Variants in NRG1 observed in about 807,000 individuals in gnomAD.
NRG1 encodes pro-neuregulin-1, membrane-bound isoform.
In NRG1, 18 loss-of-function variants were observed where a neutral mutation model predicts 63.8. The ratio of observed to expected loss-of-function variants is 0.28; its 90% CI spans 0.19 to 0.42. The LOEUF is 0.42. Ranked by LOEUF, NRG1 falls within the 10% of genes least tolerant of loss-of-function variation. The pLI, the probability that NRG1 is intolerant of heterozygous loss-of-function variation, is 1.00. For missense variants in NRG1, 762 were observed against 814.7 expected (o/e 0.94, Z 0.79); for synonymous variants, 302 against 301.3 (o/e 1.00, Z -0.02).
rs74652158 is a variant in NRG1 at position 32,105,185 on chromosome 8, A to G, written c.37+465754A>G. Among the ~76,000 whole-genome samples the G allele has an allele frequency of 3.1e-3, 468 of 152,310 alleles. 2 individuals are homozygous for G. The highest frequency in any genetic ancestry group is 0.011 in the African/African-American group (442 of 41,578). On this transcript the variant is annotated intron_variant, in intron 1 of 10. Coordinates refer to the NRG1 transcript ENST00000519301. ...TTTTTTAGCTCTGTTATAACCTTAT[A>G]GGTCCACATCATATAGGCAATCCAT...
At chr8:31,952,384 G>A (rs759538304) in intron 1 of NRG1, among the ~76,000 whole-genome samples, 17 of 152,142 alleles carry the variant, frequency 1.1e-4, no homozygotes, top group Non-Finnish European at 2.1e-4. Flanking sequence ...AGACCAAGAA[G>A]GCTTCAGAGA....
chr8:32,306,796 A>G (rs1045056597), intron 1 of NRG1, among the ~76,000 whole-genome samples: 3 of 152,214 alleles, frequency 2.0e-5, no homozygotes, highest in Non-Finnish European at 2.9e-5. Context: ...CCAAATATTA[A>G]TTAATCGATT....
At chr8:32,744,654 C>G (rs1827104042) in intron 7 of NRG1, among the ~76,000 whole-genome samples, 1 of 152,036 alleles carries the variant, frequency 6.6e-6, no homozygotes. Flanking sequence ...CAATTCTGAT[C>G]ACTTAATTAA....
intron 1 of NRG1, among the ~76,000 whole-genome samples, chr8:32,403,867 C>G (rs1181942115): frequency 6.6e-6 from 1 of 152,130 alleles, no homozygotes; most frequent in African/African-American, 2.4e-5. Flanking sequence ...AAAATATGAA[C>G]AGTAAATTCT....
At chr8:31,667,424 C>G (rs1039258102) in intron 1 of NRG1, among the ~76,000 whole-genome samples, 3 of 152,188 alleles carry the variant, frequency 2.0e-5, no homozygotes, top group Non-Finnish European at 4.4e-5. Flanking sequence ...CCATCCCCTG[C>G]TCCTCAGTGG....
At chr8:31,671,806 G>A (rs552890641) in intron 1 of NRG1, among the ~76,000 whole-genome samples, 4 of 152,146 alleles carry the variant, frequency 2.6e-5, no homozygotes, top group South Asian at 2.1e-4. Context: ...ATCAATGTCA[G>A]TAGGAAAAAA....
At chr8:32,337,966 T>TTAA (rs1803540147) in intron 1 of NRG1, among the ~76,000 whole-genome samples, 1 of 151,930 alleles carries the variant, frequency 6.6e-6, no homozygotes, top group Non-Finnish European at 1.5e-5. Context: ...AGTATTATAC[T>TTAA]TTAATTATTT....
At chr8:31,660,811 G>A (rs1281751100) in intron 1 of NRG1, among the ~76,000 whole-genome samples, 1 of 152,084 alleles carries the variant, frequency 6.6e-6, no homozygotes, top group African/African-American at 2.4e-5. Context: ...CTTGAGATAA[G>A]GCTTTCCTAT....
chr8:32,415,541 T>C (rs1815767112), intron 1 of NRG1, among the ~76,000 whole-genome samples: 1 of 152,170 alleles, frequency 6.6e-6, no homozygotes. Flanking sequence ...TCATTATGTT[T>C]ATTATATGAA....
chr8:32,603,311 A>T (rs1844681778), intron 2 of NRG1, among the ~76,000 whole-genome samples: 1 of 152,202 alleles, frequency 6.6e-6, no homozygotes, highest in South Asian at 2.1e-4. Context: ...GGGGAGTCAG[A>T]GTACAACAGC....
rs34140519 is a variant in NRG1, at chr8:32,404,604, T to TA, written c.38-191222dup. Among the ~76,000 whole-genome samples the TA allele has an allele frequency of 1.9e-3, 266 of 142,986 alleles. 1 individual carries two copies. Among genetic ancestry groups the TA allele is most frequent in the African/African-American group, 6.2e-3 (240 of 38,802 alleles). 93.8% of individuals were successfully genotyped at this position (142,986 alleles called of 152,430 possible). A position where few individuals can be genotyped will look rare whatever the true frequency, so the allele number is the denominator to read the frequency against. ...CTTCATCTTTTTTTTTTTTTTTTTT[T>TA]AATGGAGTCTTGCTCTGTGGCCTAG... On this transcript the variant is annotated intron_variant, in intron 1 of 10. Transcript: ENST00000519301.
chr8:32,052,636 G>T lies in NRG1; in HGVS notation c.37+413205G>T, dbSNP rs558605128. The stretch of plus-strand genomic sequence containing the variant: ...AAAGTCCAGAAATCAAATTGTGAGT[G>T]GGCAAACAAAATCAAAGCAAGTTTC... On this transcript the variant is annotated intron_variant, in intron 1 of 10. Transcript: ENST00000519301. Among the ~76,000 whole-genome samples the T allele has an allele frequency of 1.4e-4, 22 of 152,128 alleles. No individual in the cohort carries two copies. In the South Asian group the frequency reaches 4.6e-3, roughly 32 times the overall value.
At chr8:32,772,741 G>A (rs1414423491), downstream of NRG1, among the ~76,000 whole-genome samples, 1 of 152,000 alleles carries the variant, frequency 6.6e-6, no homozygotes, top group Non-Finnish European at 1.5e-5. Context: ...TCCTTGATTT[G>A]TACTTTTGTG....
At chr8:32,602,835 C>A (rs1844610863) in intron 2 of NRG1, among the ~76,000 whole-genome samples, 1 of 152,004 alleles carries the variant, frequency 6.6e-6, no homozygotes, top group African/African-American at 2.4e-5. Context: ...ATGAAGGAAA[C>A]TTGTCATATA....
chr8:31,651,908 G>A (rs1477923191), intron 1 of NRG1, among the ~76,000 whole-genome samples: 1 of 151,884 alleles, frequency 6.6e-6, no homozygotes, highest in Non-Finnish European at 1.5e-5. Context: ...TTTCTTTTTG[G>A]CTCTCTATCT....
intron 1 of NRG1, among the ~76,000 whole-genome samples, chr8:32,373,884 C>A (rs1286641455): frequency 6.6e-6 from 1 of 152,090 alleles, no homozygotes; most frequent in Non-Finnish European, 1.5e-5. Context: ...GAATAATACA[C>A]AATTAAGTCA....
chr8:32,335,778 G>A (rs78428726), intron 1 of NRG1, among the ~76,000 whole-genome samples: 29,051 of 151,906 alleles, frequency 0.19, 3,128 homozygotes, highest in Middle Eastern at 0.31. Context: ...TCTCAAACAC[G>A]TTTGAAAGAA....
intron 1 of NRG1, among the ~76,000 whole-genome samples, chr8:32,331,648 CTTT>C (rs1370155096): frequency 6.6e-6 from 1 of 152,156 alleles, no homozygotes; most frequent in Admixed American, 6.5e-5. Flanking sequence ...CCCTGGGGAT[CTTT>C]ACATCACAAT....
intron 1 of NRG1, among the ~76,000 whole-genome samples, chr8:31,946,312 T>C (rs1362417710): frequency 6.6e-6 from 1 of 152,184 alleles, no homozygotes; most frequent in Non-Finnish European, 1.5e-5. Context: ...GTACTATAGA[T>C]GATAGGAAGA....
Sources: allele counts gnomAD v4.1 joint callset (sites outside exome capture counted in the v4.1 genomes callset), GRCh38; gene constraint gnomAD v4.1.1; transcripts MANE v1.5; gene names NCBI Gene and HGNC (gene_info 2026-07-23, HGNC 2026-07-21).